GPC6: variants seen among roughly 807,000 people sequenced by gnomAD.
GPC6 encodes the protein glypican 6.
GPC6 carries 14 observed loss-of-function variants against 55.2 expected under a neutral mutation model. That is an observed-to-expected ratio of 0.25 (90% confidence interval 0.17 to 0.40). The LOEUF is 0.40. GPC6 is among the 10% of genes least tolerant of loss of function. The pLI is 1.00. For synonymous variants in GPC6, 278 were observed against 259.6 expected (o/e 1.07, Z -0.68); for missense variants, 641 against 708.5 (o/e 0.90, Z 1.08).
chr13:94,028,490 GCTTTAGA>G (rs1300045309), intron 4 of GPC6, among the ~76,000 whole-genome samples: 5 of 137,922 alleles, frequency 3.6e-5, no homozygotes. Flanking sequence ...GAGAAAGGAC[GCTTTAGA>G]AAAGAATCTT....
chr13:93,854,526 A>G (rs532962855), intron 3 of GPC6, among the ~76,000 whole-genome samples: 4 of 151,816 alleles, frequency 2.6e-5, no homozygotes, highest in South Asian at 4.1e-4. Context: ...TTCACTGGTA[A>G]TCCACTGAAA....
chr13:94,293,206 A>G (rs1184530518), intron 5 of GPC6, among the ~76,000 whole-genome samples: 2 of 152,194 alleles, frequency 1.3e-5, no homozygotes, highest in African/African-American at 2.4e-5. Context: ...AAGGAATACA[A>G]TACAGAATGC....
intron 2 of GPC6, among the ~76,000 whole-genome samples, chr13:93,824,641 T>C (rs960549438): frequency 9.2e-5 from 14 of 151,996 alleles, no homozygotes; most frequent in African/African-American, 3.4e-4. Flanking sequence ...ACACATGAAC[T>C]TGGAGCATGG....
chr13:93,553,012 G>A (rs756946628), intron 2 of GPC6, among the ~76,000 whole-genome samples: 1 of 152,190 alleles, frequency 6.6e-6, no homozygotes, highest in African/African-American at 2.4e-5. Context: ...TTTGTCTTCT[G>A]ACTGGAGAAC....
intron 4 of GPC6, among the ~76,000 whole-genome samples, chr13:94,105,796 C>T (rs1886032580): frequency 6.6e-6 from 1 of 152,182 alleles, no homozygotes; most frequent in Non-Finnish European, 1.5e-5. Flanking sequence ...TTTACCGGGA[C>T]AGTTTTGCCC....
At chr13:94,102,659 G>C (rs1256741937) in intron 4 of GPC6, among the ~76,000 whole-genome samples, 1 of 151,980 alleles carries the variant, frequency 6.6e-6, no homozygotes, top group Non-Finnish European at 1.5e-5. Flanking sequence ...CTTGCTTTGT[G>C]TGTCTATTTA....
At chr13:93,236,266 G>A (rs1566535455) in intron 1 of GPC6, among the ~76,000 whole-genome samples, 2 of 152,154 alleles carry the variant, frequency 1.3e-5, no homozygotes, top group Non-Finnish European at 2.9e-5. Flanking sequence ...AGGAGTACAA[G>A]TGGTTGTTGG....
intron 4 of GPC6, among the ~76,000 whole-genome samples, chr13:94,118,722 A>G (rs1886520980): frequency 1.3e-5 from 2 of 152,082 alleles, no homozygotes; most frequent in South Asian, 4.1e-4. Context: ...TTCTTGAACT[A>G]GTTTAAGTTC....
At chr13:94,271,936 A>G (rs1035162568) in intron 4 of GPC6, among the ~76,000 whole-genome samples, 1 of 152,184 alleles carries the variant, frequency 6.6e-6, no homozygotes, top group South Asian at 2.1e-4. Context: ...TCACTTCCTA[A>G]AATGAGTTTT....
chr13:94,321,568 A>T (rs1876827766), intron 6 of GPC6, among the ~76,000 whole-genome samples: 1 of 152,100 alleles, frequency 6.6e-6, no homozygotes, highest in African/African-American at 2.4e-5. Flanking sequence ...CCACAACCTC[A>T]CCAGCATCAT....
intron 4 of GPC6, among the ~76,000 whole-genome samples, chr13:94,197,560 T>C (rs1053771495): frequency 6.6e-6 from 1 of 152,162 alleles, no homozygotes; most frequent in Non-Finnish European, 1.5e-5. Context: ...CTGGTGTCTC[T>C]TCTTATAACA....
chr13:93,972,242 A>G (rs939231637), intron 3 of GPC6, among the ~76,000 whole-genome samples: 2 of 152,202 alleles, frequency 1.3e-5, no homozygotes, highest in Non-Finnish European at 2.9e-5. Context: ...CTGCTCACTA[A>G]AACTGATTTA....
At chr13:93,875,668 A>G (rs1273097094) in intron 3 of GPC6, among the ~76,000 whole-genome samples, 1 of 152,088 alleles carries the variant, frequency 6.6e-6, no homozygotes. Flanking sequence ...TAATATAGAA[A>G]GAAAGCATTT....
chr13:93,632,056 G>A (rs1879466047), intron 2 of GPC6, among the ~76,000 whole-genome samples: 1 of 152,156 alleles, frequency 6.6e-6, no homozygotes, highest in Non-Finnish European at 1.5e-5. Flanking sequence ...AACTGACATA[G>A]CATTTCAGAT....
intron 1 of GPC6, among the ~76,000 whole-genome samples, chr13:93,404,688 T>G (rs1354101545): frequency 1.3e-5 from 2 of 152,190 alleles, no homozygotes; most frequent in African/African-American, 2.4e-5. Flanking sequence ...TCCCAAAATC[T>G]TTTGTCAAAT....
At chr13:93,530,777 C>T (rs1343692428) in intron 1 of GPC6, among the ~76,000 whole-genome samples, 1 of 152,162 alleles carries the variant, frequency 6.6e-6, no homozygotes, top group Non-Finnish European at 1.5e-5. Context: ...CTCTTGATAT[C>T]TGTCATACCT....
intron 2 of GPC6, among the ~76,000 whole-genome samples, chr13:93,672,670 C>T (rs931526452): frequency 8.4e-6 from 1 of 118,520 alleles, no homozygotes. Flanking sequence ...TATATATATA[C>T]ACACACAAAC....
At chr13:93,529,673 C>T (rs1405478314) in intron 1 of GPC6, among the ~76,000 whole-genome samples, 1 of 151,758 alleles carries the variant, frequency 6.6e-6, no homozygotes, top group Non-Finnish European at 1.5e-5. Flanking sequence ...CCCGCCACCA[C>T]GCCCATCTAA....
At chr13:93,787,906 G>A (rs921788018) in intron 2 of GPC6, among the ~76,000 whole-genome samples, 1 of 152,164 alleles carries the variant, frequency 6.6e-6, no homozygotes, top group African/African-American at 2.4e-5. Context: ...CTCAAGTTAT[G>A]AACAGTGCCT....
Sources: allele counts gnomAD v4.1 joint callset (sites outside exome capture counted in the v4.1 genomes callset), GRCh38; gene constraint gnomAD v4.1.1; transcripts MANE v1.5; gene names NCBI Gene and HGNC (gene_info 2026-07-23, HGNC 2026-07-21).